Variants in PDE3B observed in about 807,000 individuals in gnomAD.
The protein encoded by PDE3B is cGMP-inhibited 3',5'-cyclic phosphodiesterase 3B.
In PDE3B, 66 loss-of-function variants were observed where a neutral mutation model predicts 116.8. The ratio of observed to expected loss-of-function variants is 0.56; its 90% CI spans 0.46 to 0.69. The LOEUF (loss-of-function observed/expected upper bound fraction) is 0.69, where lower values mean the gene tolerates loss of function less well. Among genes scored for constraint, PDE3B ranks in the 30% least tolerant of loss-of-function variants. The pLI, the probability that PDE3B is intolerant of heterozygous loss-of-function variation, is 0.00. For missense variants in PDE3B, 1,384 were observed against 1,368.1 expected (o/e 1.01, Z -0.18); for synonymous variants, 595 against 533.6 (o/e 1.12, Z -1.59).
At chr11:14,747,141 A>G (rs1856930805) in intron 1 of PDE3B, among the ~76,000 whole-genome samples, 1 of 152,204 alleles carries the variant, frequency 6.6e-6, no homozygotes, top group Non-Finnish European at 1.5e-5. Flanking sequence ...TTAAAACAAC[A>G]TAATCTTTTA....
chr11:14,776,608 C>T (rs1857793348), intron 2 of PDE3B: 1 of 151,058 alleles, frequency 6.6e-6, no homozygotes, highest in Admixed American at 6.6e-5. Flanking sequence ...ACAATGTGCA[C>T]ATGTACCCTA....
chr11:14,708,592 A>C (rs910848947), intron 1 of PDE3B, among the ~76,000 whole-genome samples: 1 of 152,088 alleles, frequency 6.6e-6, no homozygotes, highest in Non-Finnish European at 1.5e-5. Flanking sequence ...ATCAGCTGAC[A>C]AAATTGTACT....
intron 10 of PDE3B, 113 bp downstream of exon 10, chr11:14,832,946 A>ATT: frequency 1.9e-6 from 1 of 537,600 alleles, no homozygotes. Flanking sequence ...CTTGTTTGAA[A>ATT]TTTTCTTTTT....
At chr11:14,864,456 T>C (rs531321371) in intron 14 of PDE3B, among the ~76,000 whole-genome samples, 1 of 152,258 alleles carries the variant, frequency 6.6e-6, no homozygotes, top group East Asian at 1.9e-4. Flanking sequence ...GTGGACCTAA[T>C]AGACATCTAC....
intron 1 of PDE3B, among the ~76,000 whole-genome samples, chr11:14,661,407 C>T (rs560201093): frequency 6.6e-6 from 1 of 152,348 alleles, no homozygotes; most frequent in Admixed American, 6.5e-5. Context: ...TCTGCATTTC[C>T]ATCTGAGGTA....
intron 7 of PDE3B, among the ~76,000 whole-genome samples, chr11:14,819,934 C>T (rs901948239): frequency 6.6e-6 from 1 of 151,794 alleles, no homozygotes; most frequent in Admixed American, 6.6e-5. Context: ...CTTCATGGGG[C>T]TAGGAAGACA....
At chr11:14,841,549 A>C (rs1860225254) in intron 11 of PDE3B, among the ~76,000 whole-genome samples, 1 of 148,878 alleles carries the variant, frequency 6.7e-6, no homozygotes, top group African/African-American at 2.5e-5. Flanking sequence ...GGGTTTATGC[A>C]CACAACAGCT....
chr11:14,689,831 A>G (rs1264845368), intron 1 of PDE3B, among the ~76,000 whole-genome samples: 1 of 152,196 alleles, frequency 6.6e-6, no homozygotes, highest in Non-Finnish European at 1.5e-5. Context: ...TCACATGGGC[A>G]TATGTTTCTG....
At chr11:14,757,063 T>C (rs996200304) in intron 1 of PDE3B, among the ~76,000 whole-genome samples, 2 of 151,660 alleles carry the variant, frequency 1.3e-5, no homozygotes, top group Non-Finnish European at 2.9e-5. Flanking sequence ...TTTGGTTTTT[T>C]GCTCTTGCAA....
chr11:14,857,343 T>C (rs1555006348), intron 12 of PDE3B, among the ~76,000 whole-genome samples: 1 of 152,182 alleles, frequency 6.6e-6, no homozygotes, highest in African/African-American at 2.4e-5. Flanking sequence ...ATGTTTTTCT[T>C]ATTTGGTTTA....
chr11:14,888,542 C>A, the PDE3B span, among the ~76,000 whole-genome samples: 1 of 152,202 alleles, frequency 6.6e-6, no homozygotes, highest in Non-Finnish European at 1.5e-5. Context: ...CATACCAAGT[C>A]TTTAGGGACC....
intron 5 of PDE3B, among the ~76,000 whole-genome samples, chr11:14,806,544 T>G (rs2133937307): frequency 6.6e-6 from 1 of 151,236 alleles, no homozygotes; most frequent in East Asian, 2.0e-4. Flanking sequence ...AACCCAAATG[T>G]CCATCAATAA....
intron 1 of PDE3B, among the ~76,000 whole-genome samples, chr11:14,693,812 A>C (rs559756017): frequency 6.6e-6 from 1 of 152,206 alleles, no homozygotes; most frequent in Non-Finnish European, 1.5e-5. Context: ...AGTAATTTTG[A>C]CTTTCAAATC....
intron 1 of PDE3B, among the ~76,000 whole-genome samples, chr11:14,652,429 T>C (rs1274874621): frequency 2.0e-5 from 3 of 152,192 alleles, no homozygotes; most frequent in Non-Finnish European, 4.4e-5. Context: ...CCTCAAACTT[T>C]GTTCTTTTTC....
At chr11:14,688,252 TA>T (rs1854946068) in intron 1 of PDE3B, among the ~76,000 whole-genome samples, 2 of 151,896 alleles carry the variant, frequency 1.3e-5, no homozygotes, top group Non-Finnish European at 2.9e-5. Context: ...GAATTTGAAA[TA>T]TTTTTTGTAT....
intron 1 of PDE3B, among the ~76,000 whole-genome samples, chr11:14,660,591 A>G (rs1853870884): frequency 6.6e-6 from 1 of 152,044 alleles, no homozygotes; most frequent in Non-Finnish European, 1.5e-5. Flanking sequence ...GGCATGAGCC[A>G]CTATTCCTGG....
chr11:14,707,047 C>G (rs1383806068), intron 1 of PDE3B, among the ~76,000 whole-genome samples: 1 of 151,618 alleles, frequency 6.6e-6, no homozygotes, highest in East Asian at 1.9e-4. Flanking sequence ...TGGGGAGATA[C>G]TGGGGAGGAA....
At chr11:14,891,496 A>AC in the PDE3B span, 1 of 994,136 alleles carries the variant, frequency 1.0e-6, no homozygotes, top group Non-Finnish European at 1.2e-6. Context: ...AAACGCCTAC[A>AC]CCAGTCGTTC....
At chr11:14,829,079 C>T (rs557282321) in intron 7 of PDE3B, among the ~76,000 whole-genome samples, 1 of 152,146 alleles carries the variant, frequency 6.6e-6, no homozygotes, top group East Asian at 1.9e-4. Flanking sequence ...GTTATGTTCT[C>T]ACTTATAAGT....
Sources: allele counts gnomAD v4.1 joint callset (sites outside exome capture counted in the v4.1 genomes callset), GRCh38; gene constraint gnomAD v4.1.1; transcripts MANE v1.5; gene names NCBI Gene and HGNC (gene_info 2026-07-23, HGNC 2026-07-21).